Variants in MCEMP1 observed in about 807,000 individuals in gnomAD.
MCEMP1 encodes the protein mast cell-expressed membrane protein 1.
In MCEMP1, 17 loss-of-function variants were observed where a neutral mutation model predicts 27.9. The ratio of observed to expected loss-of-function variants is 0.61; its 90% CI spans 0.42 to 0.91. MCEMP1 has a LOEUF of 0.91. MCEMP1 is among the 40% of genes least tolerant of loss of function. The probability of loss-of-function intolerance (pLI) is 0.00; values close to 1 mark genes in which losing one functional copy is unlikely to be tolerated. For missense variants in MCEMP1, 200 were observed against 204.8 expected, an observed-to-expected ratio of 0.98 and a Z score of 0.14; for synonymous variants, 88 against 76.9, an observed-to-expected ratio of 1.14 and a Z score of -0.76.
At position 7,678,020 on chromosome 19, in the gene MCEMP1, G is replaced by T; in HGVS notation, c.146-84G>T. 1 of 1,500,776 alleles carries T rather than the reference G, an allele frequency of 6.7e-7. No individual in the cohort carries two copies. Among genetic ancestry groups the T allele is most frequent in the South Asian group, 1.3e-5 (1 of 75,104 alleles). 93.0% of individuals were successfully genotyped at this position (1,500,776 alleles called of 1,614,324 possible). Reference sequence around the variant, plus strand: ...TGCTGATGGTTTTGAGAGGAGCGAGGTGTCCATGGTGTTAGAGACAGTGAG... The same window carrying T: ...TGCTGATGGTTTTGAGAGGAGCGAGTTGTCCATGGTGTTAGAGACAGTGAG... On this transcript the variant is annotated intron_variant, in intron 2 of 6. Coordinates refer to ENST00000333598, the MANE Select transcript of MCEMP1 (RefSeq NM_174918.3). The surrounding 1 kb of genome is among the most constrained non-coding windows in gnomAD (Gnocchi z 4.8).
At position 7,679,206 on chromosome 19, in the gene MCEMP1, T is replaced by A; in HGVS notation, c.*92T>A. 1 of 1,285,428 alleles carries A rather than the reference T, an allele frequency of 7.8e-7. No homozygotes were observed. The highest frequency in any genetic ancestry group is 2.9e-4 in the Middle Eastern group (1 of 3,460). 79.6% of individuals were successfully genotyped at this position (1,285,428 alleles called of 1,614,324 possible). A position where few individuals can be genotyped will look rare whatever the true frequency, so the allele number is the denominator to read the frequency against. ...GGGAAATGACCCCCCCCCCCCAGCC[T>A]AGTGTGAACCTGCCCCTCGTCCCAC... On this transcript the variant is annotated 3_prime_UTR_variant, in exon 7 of 7. Transcript: ENST00000333598. This position sits in a 1 kb window ranked among gnomAD's most constrained non-coding sequence, Gnocchi z 4.9.
Position 7,678,062 on chromosome 19 carries a change from G to C in MCEMP1, c.146-42G>C. ...GACAGTGAGGATGGTTTGAGTGGTG[G>C]TGCTGGCCCCTCAAGGTCACTTTGC... On this transcript the variant is annotated intron_variant, in intron 2 of 6. Coordinates refer to ENST00000333598, the MANE Select transcript of MCEMP1 (RefSeq NM_174918.3). This position sits in a 1 kb window ranked among gnomAD's most constrained non-coding sequence, Gnocchi z 4.8. The C allele has an allele frequency of 6.4e-7, 1 of 1,552,558 alleles. No homozygotes were observed. The highest frequency in any genetic ancestry group is 8.7e-7 in the Non-Finnish European group (1 of 1,152,468).
rs1224213015 is a variant in MCEMP1 at position 7,677,134 on chromosome 19, C to A, written c.14C>A (p.Ala5Asp). Residue 5 changes from alanine to aspartate, a missense_variant, in exon 1 of 7, where the codon GCC becomes GAC. By Grantham distance (126) the Ala-to-Asp change is moderately radical. Coordinates refer to ENST00000333598, the MANE Select transcript of MCEMP1 (RefSeq NM_174918.3). The surrounding 1 kb of genome is among the most constrained non-coding windows in gnomAD (Gnocchi z 4.6). The part of the protein sequence containing the change: MQAP[A>D]FRDKKQGVSA... ...CAGGAAGTCAAGATGCAAGCACCAG[C>A]CTTCAGGGACAAGAAACAGGGGGTC... The A allele has an allele frequency of 1.3e-6, 2 of 1,599,804 alleles. No individual in the cohort carries two copies. The highest frequency in any genetic ancestry group is 2.3e-5 in the East Asian group (1 of 44,090).
At position 7,679,269 on chromosome 19, in the gene MCEMP1, C is replaced by T. The variant is rs2032594343; in HGVS notation, c.*155C>T. 2 of 931,088 alleles carry T rather than the reference C, an allele frequency of 2.1e-6. No individual in the cohort carries two copies. The highest frequency in any genetic ancestry group is 3.2e-6 in the Non-Finnish European group (2 of 627,572). The allele number at this position is 931,088 out of a possible 1,614,324, so 57.7% of individuals were successfully genotyped here. ...CTCGAGTCATGGTGAATGAGTGTCT[C>T]GGAGTTGCTCGTGTGTGTGTACACC... On this transcript the variant is annotated 3_prime_UTR_variant, in exon 7 of 7. Coordinates refer to ENST00000333598, the MANE Select transcript of MCEMP1 (RefSeq NM_174918.3). The surrounding 1 kb of genome is among the most constrained non-coding windows in gnomAD (Gnocchi z 4.9).
rs2032589838 is a variant in MCEMP1 at position 7,679,092 on chromosome 19, C to T, written c.509-6C>T. On this transcript the variant is annotated splice_polypyrimidine_tract_variant and splice_region_variant and intron_variant, in intron 6 of 6. Transcript: ENST00000333598. The surrounding 1 kb of genome is among the most constrained non-coding windows in gnomAD (Gnocchi z 4.9). ...TGCCTCACTGTGGGTCTCTCCCCAT[C>T]CCCAGAGTCCTCACCTCAATAAATG... 1 of 1,606,542 alleles carries T rather than the reference C, an allele frequency of 6.2e-7. No homozygotes were observed. Among genetic ancestry groups the T allele is most frequent in the Non-Finnish European group, 8.5e-7 (1 of 1,176,058 alleles).
In MCEMP1 at chr19:7,679,321, CGT is replaced by C. The variant is rs1369631556; in HGVS notation, c.*212_*213del. On this transcript the variant is annotated 3_prime_UTR_variant, in exon 7 of 7. Coordinates refer to ENST00000333598, the MANE Select transcript of MCEMP1 (RefSeq NM_174918.3). This position sits in a 1 kb window ranked among gnomAD's most constrained non-coding sequence, Gnocchi z 4.9. ...GCGTGCGTGTGTGTGCGTGTGTGCG[CGT>C]GTGTTCGTGTATGTGCGTGTGTGCG... 23 of 620,986 alleles carry C rather than the reference CGT, an allele frequency of 3.7e-5. No homozygotes were observed. The highest frequency in any genetic ancestry group is 9.7e-5 in the Admixed American group (3 of 30,778). The allele number at this position is 620,986 out of a possible 1,614,324, so 38.5% of individuals were successfully genotyped here. A position where few individuals can be genotyped will look rare whatever the true frequency, so the allele number is the denominator to read the frequency against.
Position 7,677,408 on chromosome 19 carries a change from G to A in MCEMP1, c.56-229G>A, listed in dbSNP as rs2032564881. On this transcript the variant is annotated intron_variant, in intron 1 of 6. Coordinates refer to ENST00000333598, the MANE Select transcript of MCEMP1 (RefSeq NM_174918.3). The surrounding 1 kb of genome is among the most constrained non-coding windows in gnomAD (Gnocchi z 4.6). ...AGGTAAGGGGTCAAAGGTGGGGGCC[G>A]GGGGCTCCTTCCCCTCCAAGATGTG... 6.6e-6 allele frequency among the ~76,000 whole-genome samples: 1 copy of A among 151,858 alleles called. No individual in the cohort carries two copies. Among genetic ancestry groups the A allele is most frequent in the East Asian group, 1.9e-4 (1 of 5,192 alleles).
chr19:7,677,528 T>C lies in MCEMP1; in HGVS notation c.56-109T>C, dbSNP rs1339736264. The C allele has an allele frequency of 1.8e-6, 2 of 1,141,954 alleles. No individual in the cohort carries two copies. Among genetic ancestry groups the C allele is most frequent in the African/African-American group, 1.5e-5 (1 of 65,064 alleles). The allele number at this position is 1,141,954 out of a possible 1,614,324, so 70.7% of individuals were successfully genotyped here. ...AAAGCAGATTTTAGCTTCTCACTCC[T>C]TATCTTTCACCCCCTACAATTTATT... On this transcript the variant is annotated intron_variant, in intron 1 of 6. Transcript: ENST00000333598. The surrounding 1 kb of genome is among the most constrained non-coding windows in gnomAD (Gnocchi z 4.6).
In MCEMP1 at chr19:7,677,547, A is replaced by G; in HGVS notation, c.56-90A>G. 7.8e-7 allele frequency: 1 copy of G among 1,276,414 alleles called. No individual in the cohort carries two copies. The highest frequency in any genetic ancestry group is 1.2e-5 in the South Asian group (1 of 83,016). The allele number at this position is 1,276,414 out of a possible 1,614,324, so 79.1% of individuals were successfully genotyped here. A position where few individuals can be genotyped will look rare whatever the true frequency, so the allele number is the denominator to read the frequency against. The stretch of plus-strand genomic sequence containing the variant: ...CACTCCTTATCTTTCACCCCCTACA[A>G]TTTATTGAGTGCAAAGGGTTGGGTA... On this transcript the variant is annotated intron_variant, in intron 1 of 6. Transcript: ENST00000333598. This position sits in a 1 kb window ranked among gnomAD's most constrained non-coding sequence, Gnocchi z 4.6.
Position 7,678,089 on chromosome 19 carries a change from G to T in MCEMP1, c.146-15G>T. 1.3e-6 allele frequency: 2 copies of T among 1,577,562 alleles called. No homozygotes were observed. Among genetic ancestry groups the T allele is most frequent in the Non-Finnish European group, 8.6e-7 (1 of 1,164,498 alleles). ...GCTGGCCCCTCAAGGTCACTTTGCTGCCTCTTTGCTCCAGTCCCAGCCCAG... is the reference window on the plus strand; with the variant it reads ...GCTGGCCCCTCAAGGTCACTTTGCTTCCTCTTTGCTCCAGTCCCAGCCCAG... On this transcript the variant is annotated splice_polypyrimidine_tract_variant and intron_variant, in intron 2 of 6. Transcript: ENST00000333598. This position sits in a 1 kb window ranked among gnomAD's most constrained non-coding sequence, Gnocchi z 4.8.
rs1216940565 is a variant in MCEMP1, at chr19:7,679,797, C to T, written c.*683C>T. ...TTATCTCTGCACTCACATTTTGTGA[C>T]TTATGAAGATAAATAAAGTCAAGGG... On this transcript the variant is annotated 3_prime_UTR_variant, in exon 7 of 7. Transcript: ENST00000333598. This position sits in a 1 kb window ranked among gnomAD's most constrained non-coding sequence, Gnocchi z 4.9. 2.0e-5 allele frequency: 3 copies of T among 152,048 alleles called. No homozygotes were observed. Among genetic ancestry groups the T allele is most frequent in the Non-Finnish European group, 2.9e-5 (2 of 68,032 alleles). 9.4% of individuals were successfully genotyped at this position (152,048 alleles called of 1,614,324 possible). A position where few individuals can be genotyped will look rare whatever the true frequency, so the allele number is the denominator to read the frequency against.
At position 7,678,338 on chromosome 19, in the gene MCEMP1, C is replaced by T; in HGVS notation, c.284-12C>T. 1 of 1,613,956 alleles carries T rather than the reference C, an allele frequency of 6.2e-7. No homozygotes were observed. Among genetic ancestry groups the T allele is most frequent in the Non-Finnish European group, 8.5e-7 (1 of 1,180,006 alleles). ...TGGGTGCTTCAAGGATTTTCCTGCC[C>T]CTCCTGAACAGATGCTGAGATGTCC... On this transcript the variant is annotated splice_polypyrimidine_tract_variant and intron_variant, in intron 3 of 6. Transcript: ENST00000333598. This position sits in a 1 kb window ranked among gnomAD's most constrained non-coding sequence, Gnocchi z 4.8.
At position 7,678,805 on chromosome 19, in the gene MCEMP1, G is replaced by A. The variant is rs2032582961; in HGVS notation, c.449-119G>A. 3.4e-6 allele frequency: 4 copies of A among 1,189,146 alleles called. No homozygotes were observed. The highest frequency in any genetic ancestry group is 4.8e-6 in the Non-Finnish European group (4 of 840,256). The allele number at this position is 1,189,146 out of a possible 1,614,324, so 73.7% of individuals were successfully genotyped here. ...TGGGAACCCCAAATCCATGGGCTCT[G>A]CTGTACCCCAGGGTGGGTGTGGGGC... is the stretch of plus-strand genomic sequence containing the variant. On this transcript the variant is annotated intron_variant, in intron 5 of 6. Coordinates refer to ENST00000333598, the MANE Select transcript of MCEMP1 (RefSeq NM_174918.3). The surrounding 1 kb of genome is among the most constrained non-coding windows in gnomAD (Gnocchi z 4.8).
In MCEMP1 at chr19:7,678,548, A is replaced by G; in HGVS notation, c.392A>G (p.Gln131Arg). Residue 131 changes from glutamine to arginine, a missense_variant, in exon 5 of 7, where the codon CAG becomes CGG. Gln to Arg is a conservative substitution (Grantham distance 43). Coordinates refer to ENST00000333598, the MANE Select transcript of MCEMP1 (RefSeq NM_174918.3). This position sits in a 1 kb window ranked among gnomAD's most constrained non-coding sequence, Gnocchi z 4.8. ...CAGAAGAGAGGCTGGGATTCCGTTC[A>G]GCAGAGCATCACCATGGTCAGGAGC... ...ERQKRGWDSV[Q>R]QSITMVRSKI... The G allele has an allele frequency of 6.2e-7, 1 of 1,614,164 alleles. No homozygotes were observed. The highest frequency in any genetic ancestry group is 8.5e-7 in the Non-Finnish European group (1 of 1,180,028).
In MCEMP1 at chr19:7,679,197, C is replaced by G. The variant is rs115072967; in HGVS notation, c.*83C>G. The G allele has an allele frequency of 4.6e-3, 6,559 of 1,422,562 alleles. 170 individuals are homozygous for G. The East Asian group carries it at 0.065, about 14-fold the overall frequency. The allele number at this position is 1,422,562 out of a possible 1,614,324, so 88.1% of individuals were successfully genotyped here. A position where few individuals can be genotyped will look rare whatever the true frequency, so the allele number is the denominator to read the frequency against. ...AACGAAGACGGGAAATGACCCCCCC[C>G]CCCCAGCCTAGTGTGAACCTGCCCC... On this transcript the variant is annotated 3_prime_UTR_variant, in exon 7 of 7. Transcript: ENST00000333598. The surrounding 1 kb of genome is among the most constrained non-coding windows in gnomAD (Gnocchi z 4.9).
chr19:7,678,699 G>C lies in MCEMP1; in HGVS notation c.448+95G>C. On this transcript the variant is annotated intron_variant, in intron 5 of 6. Coordinates refer to ENST00000333598, the MANE Select transcript of MCEMP1 (RefSeq NM_174918.3). The surrounding 1 kb of genome is among the most constrained non-coding windows in gnomAD (Gnocchi z 4.8). Reference sequence around the variant, plus strand: ...GGATTCAGGGGAGGAGAAAGCCGGGGTCCTACCCTCCCAAAGCTCAAGTTG... The same window carrying C: ...GGATTCAGGGGAGGAGAAAGCCGGGCTCCTACCCTCCCAAAGCTCAAGTTG... 7.7e-7 allele frequency: 1 copy of C among 1,303,576 alleles called. No homozygotes were observed. The highest frequency in any genetic ancestry group is 1.1e-6 in the Non-Finnish European group (1 of 920,010). The allele number at this position is 1,303,576 out of a possible 1,614,324, so 80.8% of individuals were successfully genotyped here.
Position 7,677,313 on chromosome 19 carries a change from C to A in MCEMP1, c.55+138C>A. 1 of 736,158 alleles carries A rather than the reference C, an allele frequency of 1.4e-6. No individual in the cohort carries two copies. The highest frequency in any genetic ancestry group is 2.3e-6 in the Non-Finnish European group (1 of 441,160). The allele number at this position is 736,158 out of a possible 1,614,324, so 45.6% of individuals were successfully genotyped here. A position where few individuals can be genotyped will look rare whatever the true frequency, so the allele number is the denominator to read the frequency against. On this transcript the variant is annotated intron_variant, in intron 1 of 6. Transcript: ENST00000333598. The surrounding 1 kb of genome is among the most constrained non-coding windows in gnomAD (Gnocchi z 4.6). ...CGTGAGCCCTGGAGGTGGAGACTGGCCTGGGCAACATAGGGAGACTCTGTC... is the reference window on the plus strand; with the variant it reads ...CGTGAGCCCTGGAGGTGGAGACTGGACTGGGCAACATAGGGAGACTCTGTC...
Position 7,677,668 on chromosome 19 carries a change from C to T in MCEMP1, c.87C>T (p.Thr29=), listed in dbSNP as rs768018485. The change falls in exon 2 of 7, where the codon ACC becomes ACT. Residue 29 remains threonine (T), a synonymous_variant. Transcript: ENST00000333598. The surrounding 1 kb of genome is among the most constrained non-coding windows in gnomAD (Gnocchi z 4.6). ...GAHDPDYENI[T]LAFKNQDHAK... is the part of the protein sequence containing the mutation. Reference sequence around the variant, plus strand: ...ATGACCCAGACTATGAGAATATCACCTTGGCCTTCAAAAATCAGGACCATG... The same window carrying T: ...ATGACCCAGACTATGAGAATATCACTTTGGCCTTCAAAAATCAGGACCATG... The T allele has an allele frequency of 2.9e-5, 46 of 1,613,844 alleles. No homozygotes were observed. In the South Asian group the frequency reaches 4.4e-4, roughly 15 times the overall value.
chr19:7,678,091 C>T lies in MCEMP1; in HGVS notation c.146-13C>T, dbSNP rs2032572621. On this transcript the variant is annotated splice_polypyrimidine_tract_variant and intron_variant, in intron 2 of 6. Coordinates refer to ENST00000333598, the MANE Select transcript of MCEMP1 (RefSeq NM_174918.3). The surrounding 1 kb of genome is among the most constrained non-coding windows in gnomAD (Gnocchi z 4.8). Reference sequence around the variant, plus strand: ...TGGCCCCTCAAGGTCACTTTGCTGCCTCTTTGCTCCAGTCCCAGCCCAGTG... The same window carrying T: ...TGGCCCCTCAAGGTCACTTTGCTGCTTCTTTGCTCCAGTCCCAGCCCAGTG... The T allele has an allele frequency of 6.3e-7, 1 of 1,579,788 alleles. No homozygotes were observed. Among genetic ancestry groups the T allele is most frequent in the East Asian group, 2.2e-5 (1 of 44,668 alleles).
Sources: allele counts gnomAD v4.1 joint callset (sites outside exome capture counted in the v4.1 genomes callset), GRCh38; gene constraint gnomAD v4.1.1; non-coding constraint Gnocchi (gnomAD v3.1); transcripts MANE v1.5; gene names NCBI Gene and HGNC (gene_info 2026-07-23, HGNC 2026-07-21).